Variants in SSX7 observed in about 807,000 individuals in gnomAD.
SSX7 encodes SSX family member 7.
In SSX7, 15 loss-of-function variants were observed where a neutral mutation model predicts 14.7. The ratio of observed to expected loss-of-function variants is 1.02; its 90% CI spans 0.68 to 1.58. The LOEUF (loss-of-function observed/expected upper bound fraction) is 1.58, where lower values mean the gene tolerates loss of function less well. Ranked by LOEUF, SSX7 falls within the 40% of genes most tolerant of loss-of-function variation. The pLI is 0.00. For missense variants in SSX7, 178 were observed against 146.8 expected, an observed-to-expected ratio of 1.21 and a Z score of -1.10; for synonymous variants, 46 against 50.6, an observed-to-expected ratio of 0.91 and a Z score of 0.38.
At chrX:52,650,314 C>A in intron 5 of SSX7, 39 bp downstream of exon 5, 1 of 1,200,022 alleles carries the variant, frequency 8.3e-7, no homozygotes. Context: ...CATGGAGGGA[C>A]AAAGGTTCTC....
intron 6 of SSX7, among the ~76,000 whole-genome samples, chrX:52,646,774 G>A (rs1556766380): frequency 9.0e-6 from 1 of 111,434 alleles, no homozygotes; most frequent in Non-Finnish European, 1.9e-5. Context: ...TATAATGGCC[G>A]CTAAGTATTC....
At chrX:52,651,596 C>T (rs1256264017) in intron 4 of SSX7, among the ~76,000 whole-genome samples, 1 of 111,533 alleles carries the variant, frequency 9.0e-6, no homozygotes, top group Non-Finnish European at 1.9e-5. Context: ...ACAAACAGGC[C>T]GGGCATGGTA....
At chrX:52,654,595 A>G (rs782362605) in intron 1 of SSX7, among the ~76,000 whole-genome samples, 167 bp downstream of exon 1, 1 of 109,423 alleles carries the variant, frequency 9.1e-6, no homozygotes, top group Admixed American at 9.9e-5. Flanking sequence ...TTAGAAACTG[A>G]CAGGAAGGAT....
chrX:52,654,369 T>TTTTG (rs1556767494), intron 1 of SSX7, among the ~76,000 whole-genome samples: 1 of 85,507 alleles, frequency 1.2e-5, no homozygotes, highest in Non-Finnish European at 2.4e-5. Context: ...AGTGAGTTTT[T>TTTTG]TTTTTTTTTT....
At chrX:52,650,685 A>G (rs782775025) in intron 4 of SSX7, among the ~76,000 whole-genome samples, 12 of 112,255 alleles carry the variant, frequency 1.1e-4, no homozygotes, top group Non-Finnish European at 2.3e-4. Context: ...AAATAATTAA[A>G]TTGATTGGTT....
rs782263444 is a variant in SSX7 at position 52,648,142 on chromosome X, G to A, written c.466+119C>T. 4.0e-4 allele frequency: 397 copies of A among 1,000,999 alleles called. 2 individuals are homozygous for A. The African/African-American group carries it at 6.9e-3, about 17-fold the overall frequency. 82.5% of individuals were successfully genotyped at this position (1,000,999 alleles called of 1,213,427 possible). A position where few individuals can be genotyped will look rare whatever the true frequency, so the allele number is the denominator to read the frequency against. ...TCAAACATCTCATCTGGAGCTGGGC[G>A]AGCTCCTCAGCCCAGCCTGGACCCA... On this transcript the variant is annotated intron_variant, in intron 6 of 7. Coordinates refer to ENST00000298181, the MANE Select transcript of SSX7 (RefSeq NM_173358.2).
At chrX:52,650,823 A>G (rs1235245851) in intron 4 of SSX7, among the ~76,000 whole-genome samples, 1 of 112,322 alleles carries the variant, frequency 8.9e-6, no homozygotes, top group Non-Finnish European at 1.9e-5. Context: ...GATTTAGTCC[A>G]GTGGCTCTGA....
chrX:52,653,323 C>T (rs1358369469), intron 2 of SSX7, 81 bp downstream of exon 2: 1 of 1,207,491 alleles, frequency 8.3e-7, no homozygotes, highest in Non-Finnish European at 1.1e-6. Flanking sequence ...TCTCCAGTAT[C>T]TCTGTCCTCC....
chrX:52,648,290 C>G lies in SSX7; in HGVS notation c.437G>C (p.Ser146Thr). The G allele has an allele frequency of 8.3e-7, 1 of 1,211,096 alleles. No individual in the cohort carries two copies. The highest frequency in any genetic ancestry group is 1.8e-5 in the South Asian group (1 of 56,790). ...TGTCTTGTTAATCTTCTCAGAGGTA[C>G]TTGGTTTTCCTGGAGGGCACAGGTG... The part of the protein sequence containing the change: ...GKHLCPPGKP[S>T]TSEKINKTSG... Residue 146 changes from serine (S) to threonine (T), a missense_variant, in exon 6 of 8, where the codon AGT becomes ACT. Transcript: ENST00000298181.
chrX:52,652,418 T>C, intron 3 of SSX7, 71 bp from the exon 4 acceptor site: 6 of 795,139 alleles, frequency 7.5e-6, no homozygotes, highest in Non-Finnish European at 1.1e-5. Context: ...ATATCTGTAG[T>C]ACCAGTGCTT....
intron 7 of SSX7, 62 bp from the exon 8 acceptor site, chrX:52,644,732 T>C (rs1293294779): frequency 4.2e-5 from 46 of 1,100,814 alleles, no homozygotes; most frequent in Admixed American, 2.0e-4. Flanking sequence ...GACAACTCAA[T>C]CTCAACTCCT....
chrX:52,652,262 T>A lies in SSX7; in HGVS notation c.270A>T (p.Gln90His), dbSNP rs782631834. The change falls in exon 4 of 8, where the codon CAA becomes CAT. Residue 90 changes from glutamine (Q) to histidine (H), a missense_variant. Gln to His is a conservative substitution (Grantham distance 24). Coordinates refer to ENST00000298181, the MANE Select transcript of SSX7 (RefSeq NM_173358.2). The part of the protein sequence containing the change: ...QGNDFDNDRN[Q>H]GNQVERPQMT... ...TTCCCGTCTACTCACCCTGATTCCC[T>A]TGGTTACGGTCATTATCAAAATCAT... The A allele has an allele frequency of 2.4e-5, 29 of 1,202,441 alleles. No individual in the cohort carries two copies. The highest frequency in any genetic ancestry group is 1.1e-4 in the South Asian group (6 of 56,480).
intron 6 of SSX7, 77 bp downstream of exon 6, chrX:52,648,184 A>G: frequency 4.3e-6 from 5 of 1,155,656 alleles, no homozygotes; most frequent in South Asian, 2.1e-5. Context: ...TCTGGGGTCC[A>G]TGCCACACAC....
intron 5 of SSX7, among the ~76,000 whole-genome samples, chrX:52,650,116 T>C (rs1601975621): frequency 9.2e-6 from 1 of 108,407 alleles, no homozygotes; most frequent in South Asian, 3.9e-4. Flanking sequence ...AAGGATTAAA[T>C]ACATTAATCC....
chrX:52,651,954 G>T (rs782660343), intron 4 of SSX7, among the ~76,000 whole-genome samples: 21 of 102,810 alleles, frequency 2.0e-4, no homozygotes, highest in African/African-American at 6.6e-4. Flanking sequence ...ATCCCTGCCC[G>T]CCCTCCCTCC....
intron 7 of SSX7, among the ~76,000 whole-genome samples, chrX:52,645,035 C>T (rs781851843): frequency 9.0e-6 from 1 of 110,742 alleles, no homozygotes; most frequent in African/African-American, 3.3e-5. Context: ...TTTGGGAGGC[C>T]GAGGCGGGCG....
chrX:52,650,999 C>A lies in SSX7; in HGVS notation c.281-597G>T, dbSNP rs147625891. Among the ~76,000 whole-genome samples, 174 of 112,036 alleles carry A rather than the reference C, an allele frequency of 1.6e-3. 1 individual carries two copies. In the East Asian group the frequency reaches 0.03, roughly 19 times the overall value. ...GACAGTTTGGACGTTCTGACCTTGTCTTATAATTGTGTTGTCAGAGCAGAA... is the reference window on the plus strand; with the variant it reads ...GACAGTTTGGACGTTCTGACCTTGTATTATAATTGTGTTGTCAGAGCAGAA... On this transcript the variant is annotated intron_variant, in intron 4 of 7. Transcript: ENST00000298181.
chrX:52,652,998 A>G lies in SSX7; in HGVS notation c.70-14T>C. 8.4e-7 allele frequency: 1 copy of G among 1,195,615 alleles called. No individual in the cohort carries two copies. The highest frequency in any genetic ancestry group is 1.1e-6 in the Non-Finnish European group (1 of 884,488). On this transcript the variant is annotated splice_polypyrimidine_tract_variant and intron_variant, in intron 2 of 7. Coordinates refer to ENST00000298181, the MANE Select transcript of SSX7 (RefSeq NM_173358.2). Reference sequence around the variant, plus strand: ...ATCATCGAAGGACTAGGAAAAGATAAAAAAGGAATTTTGTCAGTGACTCAG... The same window carrying G: ...ATCATCGAAGGACTAGGAAAAGATAGAAAAGGAATTTTGTCAGTGACTCAG...
chrX:52,653,937 T>G (rs1364958787), intron 1 of SSX7, among the ~76,000 whole-genome samples: 1 of 111,204 alleles, frequency 9.0e-6, no homozygotes, highest in Non-Finnish European at 1.9e-5. Flanking sequence ...ATGGATCTGA[T>G]CAGGCAGAGG....
Sources: gnomAD v4.1 joint callset for allele counts (sites outside exome capture counted in the v4.1 genomes callset) on GRCh38, gnomAD v4.1.1 for gene constraint, MANE v1.5 for transcripts, NCBI Gene and HGNC (gene_info 2026-07-23, HGNC 2026-07-21) for gene names.